The following TRAT1 variants were observed in gnomAD, a reference collection of about 807,000 sequenced individuals.
TRAT1 encodes the protein T-cell receptor-associated transmembrane adapter 1.
TRAT1 carries 20 observed loss-of-function variants against 20.0 expected under a neutral mutation model. The ratio of observed to expected loss-of-function variants is 1.00; its 90% CI spans 0.70 to 1.45. The LOEUF (loss-of-function observed/expected upper bound fraction) is 1.45, where lower values mean the gene tolerates loss of function less well. Ranked by LOEUF, TRAT1 falls within the 40% of genes most tolerant of loss-of-function variation. The probability of loss-of-function intolerance (pLI) is 0.00; values close to 1 mark genes in which losing one functional copy is unlikely to be tolerated. For missense variants in TRAT1, 237 were observed against 224.1 expected (o/e 1.06, Z -0.37); for synonymous variants, 77 against 74.2 (o/e 1.04, Z -0.20).
chr3:108,842,986 T>C (rs553057489), intron 3 of TRAT1, among the ~76,000 whole-genome samples: 1 of 152,326 alleles, frequency 6.6e-6, no homozygotes, highest in East Asian at 1.9e-4. Context: ...AAAATAGTGC[T>C]AGGATTTATA....
At chr3:108,840,399 A>G (rs1000046156) in intron 3 of TRAT1, among the ~76,000 whole-genome samples, 1 of 152,182 alleles carries the variant, frequency 6.6e-6, no homozygotes, top group East Asian at 1.9e-4. Context: ...TTAAGATGCA[A>G]TGTGATAGAA....
intron 1 of TRAT1, among the ~76,000 whole-genome samples, chr3:108,824,253 T>C (rs1415882263): frequency 1.3e-5 from 2 of 152,214 alleles, no homozygotes; most frequent in Non-Finnish European, 1.5e-5. Context: ...AGGGTTATTT[T>C]TTCAGAAAAC....
intron 2 of TRAT1, among the ~76,000 whole-genome samples, chr3:108,831,849 G>C (rs886537154): frequency 6.6e-6 from 1 of 152,058 alleles, no homozygotes; most frequent in Non-Finnish European, 1.5e-5. Context: ...AGCCTGGAAG[G>C]TGTTTAAATA....
intron 4 of TRAT1, 108 bp from the exon 5 acceptor site, chr3:108,849,058 C>G: frequency 1.1e-6 from 1 of 930,160 alleles, no homozygotes; most frequent in East Asian, 2.6e-5. Context: ...TTAAGTAATT[C>G]TTGGGCAGTT....
At chr3:108,828,280 G>A (rs754595018) in intron 1 of TRAT1, among the ~76,000 whole-genome samples, 6 of 152,068 alleles carry the variant, frequency 3.9e-5, no homozygotes, top group Non-Finnish European at 7.4e-5. Flanking sequence ...TAGTGTTCCC[G>A]AGGCTCATGA....
chr3:108,848,279 G>A (rs1294686319), intron 4 of TRAT1, among the ~76,000 whole-genome samples: 1 of 152,092 alleles, frequency 6.6e-6, no homozygotes, highest in African/African-American at 2.4e-5. Context: ...ATTTTCCATG[G>A]ACCATGATTT....
At chr3:108,824,484 T>C (rs1383030094) in intron 1 of TRAT1, among the ~76,000 whole-genome samples, 1 of 152,206 alleles carries the variant, frequency 6.6e-6, no homozygotes, top group Non-Finnish European at 1.5e-5. Context: ...CATTTTTGCA[T>C]GGATTTTTAA....
At chr3:108,840,821 G>GACTTACTTA (rs1945890318) in intron 3 of TRAT1, among the ~76,000 whole-genome samples, 1 of 152,222 alleles carries the variant, frequency 6.6e-6, no homozygotes, top group Non-Finnish European at 1.5e-5. Context: ...ACTCAGCAAA[G>GACTTACTTA]GACAACCAAA....
In TRAT1 at chr3:108,846,657, A is replaced by C. The variant is rs116304506; in HGVS notation, c.153-411A>C. 1.5e-3 allele frequency among the ~76,000 whole-genome samples: 234 copies of C among 152,340 alleles called. No homozygotes were observed. The Middle Eastern group carries it at 0.02, about 13-fold the overall frequency. On this transcript the variant is annotated intron_variant, in intron 3 of 5. Coordinates refer to ENST00000295756, the MANE Select transcript of TRAT1 (RefSeq NM_016388.4). ...TCTAATTCTAACTCTGCTATTTGTT[A>C]GTCGTAATCTTGAGCAAGTCATATG...
intron 4 of TRAT1, among the ~76,000 whole-genome samples, chr3:108,848,889 A>G (rs1201215508): frequency 6.6e-6 from 1 of 152,170 alleles, no homozygotes; most frequent in Non-Finnish European, 1.5e-5. Flanking sequence ...TAAGACTGTC[A>G]TGTCCTGCAG....
chr3:108,852,303 C>T (rs1403614492), intron 5 of TRAT1, among the ~76,000 whole-genome samples: 1 of 151,978 alleles, frequency 6.6e-6, no homozygotes, highest in African/African-American at 2.4e-5. Flanking sequence ...ATCACTTGAA[C>T]CTGGGAGGCA....
intron 3 of TRAT1, among the ~76,000 whole-genome samples, chr3:108,844,843 CAA>C (rs71103495): frequency 4.2e-5 from 2 of 47,840 alleles, no homozygotes; most frequent in Non-Finnish European, 3.7e-5. Flanking sequence ...GACTCTGTCT[CAA>C]AAAAAAAAAA....
chr3:108,846,951 C>A, intron 3 of TRAT1, 117 bp from the exon 4 acceptor site: 1 of 711,088 alleles, frequency 1.4e-6, no homozygotes, highest in Middle Eastern at 2.4e-4. Flanking sequence ...CCGTGGTTGG[C>A]TGGGGGTAAC....
At chr3:108,847,652 C>G (rs116101941) in intron 4 of TRAT1, among the ~76,000 whole-genome samples, 17 of 152,178 alleles carry the variant, frequency 1.1e-4, no homozygotes, top group African/African-American at 4.1e-4. Context: ...ATGTAATAAG[C>G]GCTCTTCAGT....
chr3:108,846,680 A>T (rs939348495), intron 3 of TRAT1, among the ~76,000 whole-genome samples: 4 of 152,196 alleles, frequency 2.6e-5, no homozygotes, highest in African/African-American at 9.7e-5. Flanking sequence ...AGCAAGTCAT[A>T]TGACCTCTCT....
chr3:108,834,248 G>A (rs1945819453), intron 2 of TRAT1, among the ~76,000 whole-genome samples: 1 of 152,126 alleles, frequency 6.6e-6, no homozygotes, highest in Admixed American at 6.5e-5. Context: ...GAGCAGTAAT[G>A]TACCCTCATT....
chr3:108,827,418 G>A (rs1040444025), intron 1 of TRAT1, among the ~76,000 whole-genome samples: 2 of 138,324 alleles, frequency 1.4e-5, no homozygotes, highest in African/African-American at 2.6e-5. Context: ...GTGTGTGTGT[G>A]TGTACGTTTA....
Position 108,853,855 on chromosome 3 carries a change from C to T in TRAT1, c.539C>T (p.Ala180Val). The change falls in exon 6 of 6, where the codon GCT becomes GTT. Residue 180 changes from alanine (A) to valine (V), a missense_variant. Coordinates refer to ENST00000295756, the MANE Select transcript of TRAT1 (RefSeq NM_016388.4). ...DPIRLFGLIR[A>V]KREPIN ...ATCAGACTGTTTGGATTGATCCGTG[C>T]TAAGAGAGAACCTATAAACTAGCTG... is the stretch of plus-strand genomic sequence containing the variant. The T allele has an allele frequency of 6.2e-7, 1 of 1,613,972 alleles. No individual in the cohort carries two copies. The highest frequency in any genetic ancestry group is 8.5e-7 in the Non-Finnish European group (1 of 1,179,894).
intron 3 of TRAT1, 154 bp downstream of exon 3, chr3:108,839,121 A>G (rs2107511422): frequency 1.6e-6 from 1 of 622,038 alleles, no homozygotes; most frequent in Admixed American, 3.0e-5. Flanking sequence ...TCTAAAGATC[A>G]GAAGCTATAA....
Sources: allele counts gnomAD v4.1 joint callset (sites outside exome capture counted in the v4.1 genomes callset), GRCh38; gene constraint gnomAD v4.1.1; transcripts MANE v1.5; gene names NCBI Gene and HGNC (gene_info 2026-07-23, HGNC 2026-07-21).